NOL11: variants seen among roughly 807,000 people sequenced by gnomAD.
NOL11 encodes nucleolar protein 11.
A neutral mutation model predicts 93.0 loss-of-function variants in NOL11; 42 were observed. The ratio of observed to expected loss-of-function variants is 0.45; its 90% CI spans 0.35 to 0.58. NOL11 has a LOEUF of 0.58. Among genes scored for constraint, NOL11 ranks in the 20% least tolerant of loss-of-function variants. The pLI is 0.00. For synonymous variants in NOL11, 296 were observed against 293.7 expected (o/e 1.01, Z -0.08); for missense variants, 775 against 841.8 (o/e 0.92, Z 0.98).
In NOL11 at chr17:67,735,938, A is replaced by G. The variant is rs1189077473; in HGVS notation, c.969A>G (p.Gly323=). 6.2e-7 allele frequency: 1 copy of G among 1,612,084 alleles called. No homozygotes were observed. Among genetic ancestry groups the G allele is most frequent in the East Asian group, 2.2e-5 (1 of 44,812 alleles). ...YYGEHLFMLH[G]KSLTVIPYKC... ...GAGAACATTTGTTTATGCTACATGG[A>G]AAATCTCTAACTGTGATTCCATACA... Residue 323 remains glycine, a synonymous_variant, in exon 9 of 18, where the codon GGA becomes GGG. Transcript: ENST00000253247.
intron 11 of NOL11, 31 bp from the exon 12 acceptor site, chr17:67,737,477 C>G (rs1335824065): frequency 1.3e-6 from 2 of 1,551,616 alleles, no homozygotes; most frequent in South Asian, 2.4e-5. Flanking sequence ...GTTAATGTGC[C>G]AAACTGAATT....
intron 15 of NOL11, 100 bp from the exon 16 acceptor site, chr17:67,739,416 A>G (rs2055233830): frequency 1.5e-6 from 1 of 662,880 alleles, no homozygotes; most frequent in South Asian, 2.1e-5. Context: ...TATTTGTTTG[A>G]TGTATAAATT....
chr17:67,722,306 T>C (rs2043222961), intron 4 of NOL11, among the ~76,000 whole-genome samples: 1 of 152,212 alleles, frequency 6.6e-6, no homozygotes, highest in Non-Finnish European at 1.5e-5. Context: ...GGGGAGTCAA[T>C]TTAAGTTTGG....
intron 15 of NOL11, 128 bp downstream of exon 15, chr17:67,739,138 C>T: frequency 1.5e-6 from 1 of 687,306 alleles, no homozygotes; most frequent in East Asian, 2.6e-5. Flanking sequence ...TTGCCCAGCT[C>T]TAATGGCAAA....
Position 67,724,177 on chromosome 17 carries a change from C to G in NOL11, c.648C>G (p.Ile216Met). 6.4e-7 allele frequency: 1 copy of G among 1,566,212 alleles called. No homozygotes were observed. The highest frequency in any genetic ancestry group is 1.4e-5 in the African/African-American group (1 of 72,382). The stretch of plus-strand genomic sequence containing the variant: ...CTGCATCTGTAGATCGGAAATTCAT[C>G]TCTTTGATGTCATTAAGTAAGTTTT... ...SFTASVDRKF[I>M]SLMSLSSDGC... Residue 216 changes from isoleucine (I) to methionine (M), a missense_variant, in exon 6 of 18, where the codon ATC (isoleucine) becomes ATG (methionine). Ile to Met is a conservative substitution (Grantham distance 10). Transcript: ENST00000253247.
At chr17:67,738,502 C>T (rs376087548) in intron 14 of NOL11, 147 bp downstream of exon 14, 3 of 614,694 alleles carry the variant, frequency 4.9e-6, no homozygotes, top group African/African-American at 1.8e-5. Flanking sequence ...AGATTATGTT[C>T]AATGCTACGT....
At chr17:67,726,249 A>G (rs1183954626) in intron 6 of NOL11, among the ~76,000 whole-genome samples, 2 of 152,068 alleles carry the variant, frequency 1.3e-5, no homozygotes, top group African/African-American at 2.4e-5. Context: ...TGACTATTAC[A>G]TTTCTTACTG....
intron 7 of NOL11, among the ~76,000 whole-genome samples, chr17:67,732,395 G>A (rs1188345652): frequency 6.6e-6 from 1 of 150,674 alleles, no homozygotes; most frequent in African/African-American, 2.4e-5. Context: ...CAGGGGTGAG[G>A]CAGGAGAATC....
At chr17:67,735,436 TTTA>T (rs2055192253) in intron 8 of NOL11, among the ~76,000 whole-genome samples, 1 of 152,058 alleles carries the variant, frequency 6.6e-6, no homozygotes, top group Non-Finnish European at 1.5e-5. Flanking sequence ...GTTTTATCAT[TTTA>T]TTATTTATTA....
intron 7 of NOL11, among the ~76,000 whole-genome samples, chr17:67,729,976 G>A (rs774884588): frequency 2.0e-5 from 3 of 151,898 alleles, no homozygotes; most frequent in Admixed American, 6.6e-5. Flanking sequence ...GTCTTGCTAC[G>A]AGCTCCTCCT....
At chr17:67,735,843 A>T in intron 8 of NOL11, 57 bp from the exon 9 acceptor site, 1 of 1,431,642 alleles carries the variant, frequency 7.0e-7, no homozygotes, top group South Asian at 1.3e-5. Flanking sequence ...GGCTTTATTG[A>T]GTCATACCTT....
chr17:67,720,029 G>A lies in NOL11; in HGVS notation c.312+67G>A, dbSNP rs559123351. 131 of 1,396,782 alleles carry A rather than the reference G, an allele frequency of 9.4e-5. 3 individuals carry two copies. The highest frequency in any genetic ancestry group is 3.6e-4 in the South Asian group (25 of 70,380). 86.5% of individuals were successfully genotyped at this position (1,396,782 alleles called of 1,614,324 possible). ...GTGAATTAGAATCATTCATAATAAA[G>A]TATGTGTTATTTATTTTAATACCTC... On this transcript the variant is annotated intron_variant, in intron 3 of 17. Coordinates refer to ENST00000253247, the MANE Select transcript of NOL11 (RefSeq NM_015462.5).
At chr17:67,718,157 C>T (rs960866338) in intron 1 of NOL11, 69 bp downstream of exon 1, 1 of 1,575,568 alleles carries the variant, frequency 6.3e-7, no homozygotes, top group Non-Finnish European at 8.7e-7. Context: ...AGCTCGAGCT[C>T]AAGTTTCTCA....
chr17:67,726,568 A>T lies in NOL11; in HGVS notation c.773A>T (p.Asn258Ile). 2 of 1,614,190 alleles carry T rather than the reference A, an allele frequency of 1.2e-6. No individual in the cohort carries two copies. The highest frequency in any genetic ancestry group is 1.7e-6 in the Non-Finnish European group (2 of 1,180,016). Reference protein sequence around the residue: ...SLLLKAVVSGNARNGVALTAL... With the variant: ...SLLLKAVVSGIARNGVALTAL... The stretch of plus-strand genomic sequence containing the variant: ...CTGCTCAAGGCTGTTGTATCTGGTA[A>T]CGCTCGAAATGGAGTTGCACTCACT... Residue 258 changes from asparagine to isoleucine, a missense_variant, in exon 7 of 18, where the codon AAC becomes ATC. By Grantham distance (149) the Asn-to-Ile change is moderately radical. Transcript: ENST00000253247.
At chr17:67,731,135 G>C (rs1302158440) in intron 7 of NOL11, among the ~76,000 whole-genome samples, 1 of 151,876 alleles carries the variant, frequency 6.6e-6, no homozygotes, top group African/African-American at 2.4e-5. Context: ...TTGTTGAATT[G>C]TAAGCATTCT....
intron 10 of NOL11, 114 bp downstream of exon 10, chr17:67,736,868 C>T (rs2055206859): frequency 1.2e-6 from 1 of 855,696 alleles, no homozygotes; most frequent in East Asian, 2.7e-5. Context: ...ACTATAATGA[C>T]AGGACAGTTT....
chr17:67,743,089 A>G (rs2143150804), intron 16 of NOL11, among the ~76,000 whole-genome samples: 1 of 152,262 alleles, frequency 6.6e-6, no homozygotes, highest in East Asian at 1.9e-4. Context: ...AAAATTGCTA[A>G]AAAGTAGCTG....
intron 4 of NOL11, among the ~76,000 whole-genome samples, chr17:67,722,375 A>G (rs1165108438): frequency 6.6e-6 from 1 of 152,218 alleles, no homozygotes; most frequent in African/African-American, 2.4e-5. Flanking sequence ...TGGGGAGTTC[A>G]ATAACCTGCA....
Position 67,721,521 on chromosome 17 carries a change from G to A in NOL11, c.456G>A (p.Val152=). ...KIETVISDEE[V]IKWTKFFVVF... ...AAACTGTTATCTCTGATGAAGAAGTGATTAAGTAAGTTCCAGTACTTGTAA... is the reference window on the plus strand; with the variant it reads ...AAACTGTTATCTCTGATGAAGAAGTAATTAAGTAAGTTCCAGTACTTGTAA... Residue 152 remains valine, a synonymous_variant, in exon 4 of 18, where the codon GTG becomes GTA. Coordinates refer to ENST00000253247, the MANE Select transcript of NOL11 (RefSeq NM_015462.5). 6.2e-7 allele frequency: 1 copy of A among 1,610,728 alleles called. No individual in the cohort carries two copies. Among genetic ancestry groups the A allele is most frequent in the Admixed American group, 1.7e-5 (1 of 59,204 alleles).
Sources: gnomAD v4.1 joint callset for allele counts (sites outside exome capture counted in the v4.1 genomes callset) on GRCh38, gnomAD v4.1.1 for gene constraint, MANE v1.5 for transcripts, NCBI Gene and HGNC (gene_info 2026-07-23, HGNC 2026-07-21) for gene names.